ANKS1B: variants seen among roughly 807,000 people sequenced by gnomAD.
ANKS1B encodes ankyrin repeat and sterile alpha motif domain containing 1B.
Under a neutral mutation model 148.3 loss-of-function variants are expected in ANKS1B, and 36 were observed. The ratio of observed to expected loss-of-function variants is 0.24; its 90% CI spans 0.19 to 0.32. The LOEUF is 0.32. Among genes scored for constraint, ANKS1B ranks in the 10% least tolerant of loss-of-function variants. The pLI, the probability that ANKS1B is intolerant of heterozygous loss-of-function variation, is 1.00. For missense variants in ANKS1B, 1,157 were observed against 1,542.6 expected (o/e 0.75, Z 4.19); for synonymous variants, 542 against 560.8 (o/e 0.97, Z 0.47).
intron 9 of ANKS1B, among the ~76,000 whole-genome samples, chr12:99,547,572 A>G (rs1256578228): frequency 6.6e-6 from 1 of 152,132 alleles, no homozygotes; most frequent in Non-Finnish European, 1.5e-5. Flanking sequence ...CCCTTTTCTA[A>G]TCCTTTCAAA....
intron 17 of ANKS1B, among the ~76,000 whole-genome samples, chr12:98,833,763 C>T (rs2099345661): frequency 6.6e-6 from 1 of 152,056 alleles, no homozygotes; most frequent in East Asian, 1.9e-4. Flanking sequence ...CCTCCTTTGT[C>T]GTCCCCAGTG....
intron 17 of ANKS1B, among the ~76,000 whole-genome samples, chr12:98,957,134 C>T (rs2099863513): frequency 6.6e-6 from 1 of 152,092 alleles, no homozygotes; most frequent in South Asian, 2.1e-4. Context: ...AAGATCATAG[C>T]TCAAGGAATG....
At chr12:98,915,074 AC>A (rs2099792360) in intron 17 of ANKS1B, among the ~76,000 whole-genome samples, 1 of 147,818 alleles carries the variant, frequency 6.8e-6, no homozygotes, top group Non-Finnish European at 1.5e-5. Context: ...TCCCCCCACC[AC>A]CCCCAGTAAG....
chr12:99,917,467 G>T (rs1275209322), intron 1 of ANKS1B, among the ~76,000 whole-genome samples: 3 of 152,206 alleles, frequency 2.0e-5, no homozygotes, highest in Admixed American at 6.5e-5. Flanking sequence ...TGACAGTGCT[G>T]AATGTCTGAC....
chr12:99,612,146 A>G (rs539719150), intron 9 of ANKS1B, among the ~76,000 whole-genome samples: 1 of 152,246 alleles, frequency 6.6e-6, no homozygotes, highest in African/African-American at 2.4e-5. Flanking sequence ...GCCCCAAGCA[A>G]TGCAAAGTCA....
intron 9 of ANKS1B, among the ~76,000 whole-genome samples, chr12:99,537,294 G>C (rs1482704755): frequency 1.3e-5 from 2 of 152,040 alleles, no homozygotes; most frequent in African/African-American, 4.8e-5. Flanking sequence ...GGGATCGCTG[G>C]ACCATATGGT....
At chr12:98,825,435 T>G (rs79548886) in intron 19 of ANKS1B, among the ~76,000 whole-genome samples, 3,822 of 152,242 alleles carry the variant, frequency 0.025, 92 homozygotes, top group East Asian at 0.11. Context: ...CAGGTAATAC[T>G]GCTTTTTTTT....
At chr12:99,942,541 A>T (rs2153816953) in intron 1 of ANKS1B, among the ~76,000 whole-genome samples, 1 of 152,278 alleles carries the variant, frequency 6.6e-6, no homozygotes, top group Middle Eastern at 3.4e-3. Flanking sequence ...AATTTAGGCT[A>T]AGGAAAGATT....
chr12:98,830,940 A>ATTCTTTTTTTTTTTTTTT (rs1566958832), intron 18 of ANKS1B: 2 of 45,528 alleles, frequency 4.4e-5, no homozygotes, highest in Non-Finnish European at 7.7e-5. Context: ...CTACCTCATA[A>ATTCTTTTTTTTTTTTTTT]TTTTTTTTTT....
chr12:99,617,260 A>G (rs1598209027), intron 9 of ANKS1B, among the ~76,000 whole-genome samples: 1 of 152,210 alleles, frequency 6.6e-6, no homozygotes, highest in Non-Finnish European at 1.5e-5. Flanking sequence ...TAAAACCAGA[A>G]ATACCATTTG....
intron 12 of ANKS1B, among the ~76,000 whole-genome samples, chr12:99,382,449 T>G (rs551230672): frequency 6.6e-6 from 1 of 152,152 alleles, no homozygotes; most frequent in East Asian, 1.9e-4. Flanking sequence ...ACACGTGTAA[T>G]CCCAGCACTT....
Position 99,130,316 on chromosome 12 carries a change from T to G in ANKS1B, c.2526+23973A>C, listed in dbSNP as rs575614218. Among the ~76,000 whole-genome samples, 8 of 152,304 alleles carry G rather than the reference T, an allele frequency of 5.3e-5. No individual in the cohort carries two copies. The South Asian group carries it at 1.5e-3, about 28-fold the overall frequency. ...GGAAGCTGGGAGAGTAAAATTTAAT[T>G]GATTTTTTTTCTTCTGCAGCTCTTG... On this transcript the variant is annotated intron_variant, in intron 15 of 26. Transcript: ENST00000683438.
At chr12:99,444,614 T>A (rs1375989563) in intron 10 of ANKS1B, among the ~76,000 whole-genome samples, 1 of 152,024 alleles carries the variant, frequency 6.6e-6, no homozygotes, top group African/African-American at 2.4e-5. Flanking sequence ...AATTATTCTA[T>A]AAATAACTTC....
intron 9 of ANKS1B, among the ~76,000 whole-genome samples, chr12:99,593,437 A>C (rs2097724382): frequency 6.6e-6 from 1 of 152,130 alleles, no homozygotes; most frequent in African/African-American, 2.4e-5. Flanking sequence ...ATTTATAAAG[A>C]ATACCTAAAC....
intron 7 of ANKS1B, among the ~76,000 whole-genome samples, chr12:99,774,610 T>C (rs1343632352): frequency 6.6e-6 from 1 of 152,118 alleles, no homozygotes. Context: ...TACCATATGA[T>C]TCAGTAATCC....
At position 99,351,197 on chromosome 12, in the gene ANKS1B, T is replaced by C. The variant is rs1007062538; in HGVS notation, c.1756+48434A>G. ...GGCAACACAACAAGACAAGGGACATTGGTCATGCAAGTCTTATTTCCTGAG... is the reference window on the plus strand; with the variant it reads ...GGCAACACAACAAGACAAGGGACATCGGTCATGCAAGTCTTATTTCCTGAG... On this transcript the variant is annotated intron_variant, in intron 12 of 26. Transcript: ENST00000683438. Among the ~76,000 whole-genome samples the C allele has an allele frequency of 3.9e-5, 6 of 152,034 alleles. No homozygotes were observed. The East Asian group carries it at 1.2e-3, about 29-fold the overall frequency.
At chr12:99,778,409 G>T (rs2063906944) in intron 6 of ANKS1B, among the ~76,000 whole-genome samples, 1 of 151,746 alleles carries the variant, frequency 6.6e-6, no homozygotes, top group Admixed American at 6.6e-5. Context: ...TTGGGAGACT[G>T]AGGCAGGAGA....
intron 17 of ANKS1B, among the ~76,000 whole-genome samples, chr12:98,990,503 GAA>G (rs1321694147): frequency 6.7e-6 from 1 of 149,246 alleles, no homozygotes; most frequent in African/African-American, 2.5e-5. Flanking sequence ...ATGGCCTGGA[GAA>G]AAGAGATGCT....
intron 1 of ANKS1B, among the ~76,000 whole-genome samples, chr12:99,920,777 A>G (rs1473068308): frequency 6.6e-6 from 1 of 152,148 alleles, no homozygotes; most frequent in Admixed American, 6.5e-5. Context: ...TCCCAGCTCA[A>G]GAACAGAACA....
Sources: allele counts gnomAD v4.1 joint callset (sites outside exome capture counted in the v4.1 genomes callset), GRCh38; gene constraint gnomAD v4.1.1; transcripts MANE v1.5; gene names NCBI Gene and HGNC (gene_info 2026-07-23, HGNC 2026-07-21).